Variants in GOLIM4 observed in about 807,000 individuals in gnomAD.
GOLIM4 encodes golgi integral membrane protein 4.
Under a neutral mutation model 107.4 loss-of-function variants are expected in GOLIM4, and 71 were observed. That is an observed-to-expected ratio of 0.66 (90% CI 0.55 to 0.81). The LOEUF is 0.81. GOLIM4 is among the 30% of genes least tolerant of loss of function. GOLIM4 has a pLI of 0.00. For synonymous variants in GOLIM4, 327 were observed against 294.8 expected (o/e 1.11, Z -1.12); for missense variants, 830 against 826.1 (o/e 1.00, Z -0.06).
rs1245372041 is a variant in GOLIM4, at chr3:168,059,121, T to C, written c.188-10756A>G. On this transcript the variant is annotated intron_variant, in intron 1 of 15. Transcript: ENST00000470487. ...CTATGAATAGTTTTCAAAATTGATG[T>C]GCTTGAAACAAACCTAAAAGACATC... 2.0e-5 allele frequency among the ~76,000 whole-genome samples: 3 copies of C among 152,194 alleles called. No individual in the cohort carries two copies. In the East Asian group the frequency reaches 5.8e-4, roughly 29 times the overall value.
At chr3:168,091,012 G>C (rs923242106) in intron 1 of GOLIM4, among the ~76,000 whole-genome samples, 1 of 146,994 alleles carries the variant, frequency 6.8e-6, no homozygotes, top group African/African-American at 2.7e-5. Context: ...GACTACAAAA[G>C]GTGGGAGGCT....
intron 4 of GOLIM4, among the ~76,000 whole-genome samples, chr3:168,043,972 G>A (rs986226496): frequency 6.6e-6 from 1 of 152,210 alleles, no homozygotes; most frequent in Non-Finnish European, 1.5e-5. Context: ...AAAAGAGAGA[G>A]AGTAAATGAG....
intron 1 of GOLIM4, among the ~76,000 whole-genome samples, chr3:168,066,980 T>A (rs746553462): frequency 3.3e-5 from 5 of 152,228 alleles, no homozygotes; most frequent in Middle Eastern, 3.4e-3. Context: ...CACACTAGTA[T>A]CTTGAAATTT....
chr3:168,047,967 T>C (rs1449096565), intron 2 of GOLIM4, among the ~76,000 whole-genome samples: 5 of 150,474 alleles, frequency 3.3e-5, no homozygotes, highest in African/African-American at 1.2e-4. Context: ...TCAATATCTG[T>C]GGACAGAAGT....
chr3:168,087,969 G>A (rs1176606543), intron 1 of GOLIM4, among the ~76,000 whole-genome samples: 1 of 151,958 alleles, frequency 6.6e-6, no homozygotes, highest in African/African-American at 2.4e-5. Flanking sequence ...AAGAACACTG[G>A]CTAAAAAGAA....
intron 1 of GOLIM4, among the ~76,000 whole-genome samples, chr3:168,080,815 C>A (rs1169028763): frequency 7.1e-6 from 1 of 140,346 alleles, no homozygotes; most frequent in Non-Finnish European, 1.5e-5. Flanking sequence ...TTTTTCCATA[C>A]ATAAACTACT....
rs554531891 is a variant in GOLIM4 at position 168,068,294 on chromosome 3, C to T, written c.188-19929G>A. 9.9e-5 allele frequency among the ~76,000 whole-genome samples: 15 copies of T among 151,854 alleles called. No individual in the cohort carries two copies. In the Middle Eastern group the frequency reaches 0.01, roughly 103 times the overall value. The stretch of plus-strand genomic sequence containing the variant: ...GTTAGGCTTCCATTCCCTATTGTGA[C>T]GAAAATAACTGAAAGCAAACCAACA... On this transcript the variant is annotated intron_variant, in intron 1 of 15. Transcript: ENST00000470487.
intron 9 of GOLIM4, among the ~76,000 whole-genome samples, chr3:168,030,919 A>G (rs1231466789): frequency 6.6e-6 from 1 of 152,228 alleles, no homozygotes; most frequent in Non-Finnish European, 1.5e-5. Context: ...TCTCAGGTTT[A>G]TTGCAGCATT....
intron 1 of GOLIM4, among the ~76,000 whole-genome samples, chr3:168,083,906 T>C (rs1189573855): frequency 2.6e-5 from 4 of 152,196 alleles, no homozygotes; most frequent in African/African-American, 9.7e-5. Context: ...CTAATGAAGA[T>C]AATATGGCAG....
chr3:168,041,968 C>T (rs1719031114), intron 5 of GOLIM4, among the ~76,000 whole-genome samples: 1 of 152,044 alleles, frequency 6.6e-6, no homozygotes, highest in Non-Finnish European at 1.5e-5. Flanking sequence ...TATTTAACTC[C>T]TGCATGACTT....
In GOLIM4 at chr3:168,009,479, C is replaced by T. The variant is rs1716870710; in HGVS notation, c.*790G>A. 1 of 136,866 alleles carries T rather than the reference C, an allele frequency of 7.3e-6. No homozygotes were observed. Among genetic ancestry groups the T allele is most frequent in the Admixed American group, 7.4e-5 (1 of 13,522 alleles). 8.5% of individuals were successfully genotyped at this position (136,866 alleles called of 1,614,324 possible). On this transcript the variant is annotated 3_prime_UTR_variant, in exon 16 of 16. Coordinates refer to ENST00000470487, the MANE Select transcript of GOLIM4 (RefSeq NM_014498.5). ...AATGGGTGCTCGCATAGAAACACCACACGCAAACACTCATTAGTTTTTAAC... is the reference window on the plus strand; with the variant it reads ...AATGGGTGCTCGCATAGAAACACCATACGCAAACACTCATTAGTTTTTAAC...
intron 1 of GOLIM4, among the ~76,000 whole-genome samples, chr3:168,075,755 C>G (rs181361962): frequency 7.9e-5 from 12 of 152,264 alleles, no homozygotes; most frequent in Admixed American, 1.3e-4. Flanking sequence ...CAAGACGACT[C>G]ATGGGAAACA....
intron 1 of GOLIM4, among the ~76,000 whole-genome samples, chr3:168,054,497 C>T (rs116173037): frequency 6.6e-6 from 1 of 152,332 alleles, no homozygotes; most frequent in African/African-American, 2.4e-5. Context: ...CGTTCACACC[C>T]AGAACATCCT....
intron 1 of GOLIM4, among the ~76,000 whole-genome samples, chr3:168,085,155 A>T (rs1469916041): frequency 6.6e-6 from 1 of 152,242 alleles, no homozygotes; most frequent in Non-Finnish European, 1.5e-5. Flanking sequence ...TTCTCTAGAC[A>T]GCAAATAATG....
chr3:168,079,499 G>A (rs2108287061), intron 1 of GOLIM4, among the ~76,000 whole-genome samples: 1 of 152,250 alleles, frequency 6.6e-6, no homozygotes, highest in East Asian at 1.9e-4. Flanking sequence ...AGTTGTGTTT[G>A]TGAAGTCTCA....
At chr3:168,093,609 T>C (rs1433401927) in intron 1 of GOLIM4, among the ~76,000 whole-genome samples, 1 of 152,228 alleles carries the variant, frequency 6.6e-6, no homozygotes, top group Non-Finnish European at 1.5e-5. Flanking sequence ...AAGCAACTGA[T>C]ACCTTGTAAA....
rs1367458991 is a variant in GOLIM4 at position 168,029,988 on chromosome 3, C to A, written c.1225G>T (p.Glu409Ter). 3 of 1,614,162 alleles carry A rather than the reference C, an allele frequency of 1.9e-6. No homozygotes were observed. Among genetic ancestry groups the A allele is most frequent in the Non-Finnish European group, 2.5e-6 (3 of 1,180,010 alleles). Reference protein sequence around the residue: ...PMIKFQSPYEEQLEQQRLAVQ... With the variant: ...PMIKFQSPYE ...GCCAGTCTCTGCTGTTCCAACTGTTCCTCATAGGGTGATTGGAATTTGATC... is the reference window on the plus strand; with the variant it reads ...GCCAGTCTCTGCTGTTCCAACTGTTACTCATAGGGTGATTGGAATTTGATC... Residue 409 changes from glutamate to a stop codon, truncating the protein, a stop_gained, in exon 10 of 16, where the codon GAA becomes TAA. Transcript: ENST00000470487. LOFTEE classifies it high-confidence loss of function.
intron 12 of GOLIM4, among the ~76,000 whole-genome samples, chr3:168,025,388 T>A (rs952784494): frequency 9.2e-5 from 14 of 152,172 alleles, no homozygotes; most frequent in African/African-American, 3.1e-4. Context: ...TGAACAGAAC[T>A]GAATAAACAA....
chr3:168,036,971 T>A lies in GOLIM4; in HGVS notation c.708A>T (p.Gln236His), dbSNP rs534227004. 9 of 1,590,674 alleles carry A rather than the reference T, an allele frequency of 5.7e-6. No individual in the cohort carries two copies. The South Asian group carries it at 1.0e-4, about 18-fold the overall frequency. Residue 236 changes from glutamine to histidine, a missense_variant, in exon 8 of 16, where the codon CAA becomes CAT. Coordinates refer to ENST00000470487, the MANE Select transcript of GOLIM4 (RefSeq NM_014498.5). ...GAATCCTATTCAGAGTATCTTTCAG[T>A]TGTTTATATTCTGCAACTTGAGTCT... The part of the protein sequence containing the change: ...AAQTQVAEYK[Q>H]LKDTLNRIPS...
Sources: allele counts gnomAD v4.1 joint callset (sites outside exome capture counted in the v4.1 genomes callset), GRCh38; gene constraint gnomAD v4.1.1; transcripts MANE v1.5; gene names NCBI Gene and HGNC (gene_info 2026-07-23, HGNC 2026-07-21).